The following KCNIP4 variants were observed in gnomAD, a reference collection of about 807,000 sequenced individuals.
The protein encoded by KCNIP4 is Kv channel-interacting protein 4.
KCNIP4 carries 12 observed loss-of-function variants against 34.0 expected under a neutral mutation model. The observed-to-expected ratio is 0.35, with a 90% CI of 0.23 to 0.57. The LOEUF is 0.57. Among genes scored for constraint, KCNIP4 ranks in the 20% least tolerant of loss-of-function variants. The pLI, the probability that KCNIP4 is intolerant of heterozygous loss-of-function variation, is 0.83. For missense variants in KCNIP4, 238 were observed against 311.7 expected, an observed-to-expected ratio of 0.76 and a Z score of 1.78; for synonymous variants, 124 against 102.2, an observed-to-expected ratio of 1.21 and a Z score of -1.29.
At position 20,730,121 on chromosome 4, in the gene KCNIP4, G is replaced by GTTTTCATCCTGTAA; in HGVS notation, c.706-6_713dup (p.Ile239TyrfsTer6). On this transcript the variant is annotated frameshift_variant, in exon 9 of 9. Coordinates refer to ENST00000382152, the MANE Select transcript of KCNIP4 (RefSeq NM_025221.6). LOFTEE classifies it high-confidence loss of function. The stretch of plus-strand genomic sequence containing the variant: ...CAAAGAGCTGCATGGAGCGCATTAT[G>GTTTTCATCCTGTAA]TTTTCATCCTGTAAGGGAGAAACAC... 6.2e-7 allele frequency: 1 copy of GTTTTCATCCTGTAA among 1,607,730 alleles called. No individual in the cohort carries two copies. Among genetic ancestry groups the GTTTTCATCCTGTAA allele is most frequent in the Non-Finnish European group, 8.5e-7 (1 of 1,177,784 alleles).
chr4:21,455,564 A>C (rs941369637), intron 1 of KCNIP4, among the ~76,000 whole-genome samples: 1 of 151,534 alleles, frequency 6.6e-6, no homozygotes, highest in Admixed American at 6.6e-5. Flanking sequence ...ATGTAGTTTT[A>C]TCAGATAAAT....
In KCNIP4 at chr4:21,518,832, C is replaced by T. The variant is rs369606012; in HGVS notation, c.61+429739G>A. Among the ~76,000 whole-genome samples, 13 of 152,114 alleles carry T rather than the reference C, an allele frequency of 8.5e-5. No homozygotes were observed. The East Asian group carries it at 9.7e-4, about 11-fold the overall frequency. On this transcript the variant is annotated intron_variant, in intron 1 of 8. Coordinates refer to ENST00000382152, the MANE Select transcript of KCNIP4 (RefSeq NM_025221.6). ...GAAACAGCTCCTTGATAAACCCCTG[C>T]ATAGCCTGGAGCCCAACAGGAGAGA...
At chr4:21,795,853 A>C (rs56703551) in intron 1 of KCNIP4, among the ~76,000 whole-genome samples, 55,201 of 152,114 alleles carry the variant, frequency 0.36, 11,414 homozygotes, top group East Asian at 0.64. Context: ...GGATCACCTG[A>C]GGCCAGGAGT....
At chr4:21,558,113 A>C (rs913719226) in intron 1 of KCNIP4, among the ~76,000 whole-genome samples, 1 of 152,176 alleles carries the variant, frequency 6.6e-6, no homozygotes, top group African/African-American at 2.4e-5. Flanking sequence ...CGTAAACCAG[A>C]GAGCACACTG....
intron 1 of KCNIP4, among the ~76,000 whole-genome samples, chr4:21,576,173 C>T (rs1193575660): frequency 1.3e-5 from 2 of 152,036 alleles, no homozygotes; most frequent in African/African-American, 4.8e-5. Flanking sequence ...TTGTTTCTGC[C>T]CATAGAAGCC....
intron 1 of KCNIP4, among the ~76,000 whole-genome samples, chr4:21,888,108 C>G (rs1375092447): frequency 1.3e-5 from 2 of 152,080 alleles, no homozygotes; most frequent in Non-Finnish European, 1.5e-5. Context: ...CACCGCTTTA[C>G]AGAGAAGAAA....
At chr4:21,497,899 C>G (rs1358668558) in intron 1 of KCNIP4, among the ~76,000 whole-genome samples, 1 of 152,052 alleles carries the variant, frequency 6.6e-6, no homozygotes, top group Non-Finnish European at 1.5e-5. Context: ...ATTAGCAGCA[C>G]TCTTATGGGA....
At chr4:21,177,328 A>T (rs1275159403) in intron 1 of KCNIP4, among the ~76,000 whole-genome samples, 1 of 152,196 alleles carries the variant, frequency 6.6e-6, no homozygotes, top group African/African-American at 2.4e-5. Context: ...AAGAATAAAC[A>T]CAAACTATGC....
chr4:20,868,323 A>C (rs1021596449), intron 2 of KCNIP4, among the ~76,000 whole-genome samples: 1 of 152,170 alleles, frequency 6.6e-6, no homozygotes, highest in African/African-American at 2.4e-5. Flanking sequence ...CAGAATGGCT[A>C]TTATTAGAAA....
intron 1 of KCNIP4, among the ~76,000 whole-genome samples, chr4:21,410,545 A>T (rs113058000): frequency 6.6e-5 from 10 of 152,286 alleles, no homozygotes; most frequent in African/African-American, 2.2e-4. Flanking sequence ...GCTGGAAGCC[A>T]GTACCACCTT....
chr4:21,369,818 AT>A (rs5856627), intron 1 of KCNIP4, among the ~76,000 whole-genome samples: 3,832 of 131,484 alleles, frequency 0.029, 278 homozygotes, highest in East Asian at 0.2. Context: ...AACCCAAATA[AT>A]TTTTTTTTTT....
Position 21,880,766 on chromosome 4 carries a change from T to C in KCNIP4, c.61+67805A>G, listed in dbSNP as rs556800691. ...TAGGTTTCCCAGCAAATGGCAATGC[T>C]AGAATCCAAACCAGGTGTGTCTGTC... On this transcript the variant is annotated intron_variant, in intron 1 of 8. Transcript: ENST00000382152. 5.3e-5 allele frequency among the ~76,000 whole-genome samples: 8 copies of C among 152,316 alleles called. No homozygotes were observed. In the East Asian group the frequency reaches 1.3e-3, roughly 26 times the overall value.
intron 3 of KCNIP4, among the ~76,000 whole-genome samples, chr4:20,850,135 A>T (rs907584293): frequency 3.9e-5 from 6 of 152,242 alleles, no homozygotes; most frequent in African/African-American, 1.2e-4. Context: ...TAAAAGTTAC[A>T]GTAATTATCC....
chr4:21,666,333 C>T (rs1398831781), intron 1 of KCNIP4, among the ~76,000 whole-genome samples: 1 of 152,170 alleles, frequency 6.6e-6, no homozygotes, highest in Non-Finnish European at 1.5e-5. Flanking sequence ...TTCATTAGAG[C>T]CTATCCAAAT....
At chr4:21,298,717 T>A (rs1045407652) in intron 1 of KCNIP4, among the ~76,000 whole-genome samples, 1 of 152,326 alleles carries the variant, frequency 6.6e-6, no homozygotes, top group Non-Finnish European at 1.5e-5. Context: ...TACAAGAGTT[T>A]GTTTAATTTA....
intron 1 of KCNIP4, among the ~76,000 whole-genome samples, chr4:21,008,082 C>G (rs1013905348): frequency 6.6e-6 from 1 of 152,168 alleles, no homozygotes; most frequent in Non-Finnish European, 1.5e-5. Context: ...AATGTTTCCA[C>G]CAGGCAATAC....
At chr4:20,927,852 T>C (rs1452563612) in intron 1 of KCNIP4, among the ~76,000 whole-genome samples, 4 of 152,190 alleles carry the variant, frequency 2.6e-5, no homozygotes. Flanking sequence ...AAGTGTATTT[T>C]TAGAGCCAGA....
chr4:21,560,848 A>C (rs1210937628), intron 1 of KCNIP4, among the ~76,000 whole-genome samples: 1 of 152,052 alleles, frequency 6.6e-6, no homozygotes, highest in Non-Finnish European at 1.5e-5. Context: ...TTCAGCCAAC[A>C]AGTACAATAC....
intron 2 of KCNIP4, among the ~76,000 whole-genome samples, chr4:20,863,352 A>C (rs545472760): frequency 1.1e-4 from 17 of 152,092 alleles, no homozygotes; most frequent in Non-Finnish European, 2.5e-4. Context: ...TTATCGGTCT[A>C]GGTGGTATCA....
Sources: gnomAD v4.1 joint callset for allele counts (sites outside exome capture counted in the v4.1 genomes callset) on GRCh38, gnomAD v4.1.1 for gene constraint, MANE v1.5 for transcripts, NCBI Gene and HGNC (gene_info 2026-07-23, HGNC 2026-07-21) for gene names.